The following DTNBP1 variants were observed in gnomAD, a reference collection of about 807,000 sequenced individuals.
DTNBP1 encodes dysbindin.
A neutral mutation model predicts 42.8 loss-of-function variants in DTNBP1; 35 were observed. That is an observed-to-expected ratio of 0.82 (90% CI 0.63 to 1.09). DTNBP1 has a LOEUF of 1.09. Ranked by LOEUF, DTNBP1 falls within the 50% of genes least tolerant of loss-of-function variation. The probability of loss-of-function intolerance (pLI) is 0.00; values close to 1 mark genes in which losing one functional copy is unlikely to be tolerated. For synonymous variants in DTNBP1, 171 were observed against 162.2 expected (o/e 1.05, Z -0.41); for missense variants, 457 against 424.2 (o/e 1.08, Z -0.68).
intron 7 of DTNBP1, among the ~76,000 whole-genome samples, chr6:15,535,736 G>A (rs1368098676): frequency 1.3e-5 from 2 of 152,194 alleles, no homozygotes; most frequent in East Asian, 1.9e-4. Flanking sequence ...ACTGGGTTAC[G>A]GGTAGAGGTT....
At chr6:15,627,260 T>C (rs1482951311) in intron 5 of DTNBP1, 83 bp downstream of exon 5, 4 of 1,563,460 alleles carry the variant, frequency 2.6e-6, no homozygotes, top group Middle Eastern at 2.0e-4. Context: ...CATGTGTTCC[T>C]GAAAAGCTCT....
chr6:15,594,083 C>T (rs567936028), intron 6 of DTNBP1, among the ~76,000 whole-genome samples: 6 of 152,296 alleles, frequency 3.9e-5, no homozygotes, highest in South Asian at 4.1e-4. Context: ...CATCCCACTC[C>T]GTTTTTTCCT....
At chr6:15,627,597 C>T in intron 4 of DTNBP1, 122 bp from the exon 5 acceptor site, 1 of 1,396,752 alleles carries the variant, frequency 7.2e-7, no homozygotes, top group Non-Finnish European at 9.6e-7. Flanking sequence ...GATTACGGTA[C>T]ATTCTAAAAG....
intron 7 of DTNBP1, among the ~76,000 whole-genome samples, chr6:15,574,160 G>A (rs1561967801): frequency 6.6e-6 from 1 of 152,150 alleles, no homozygotes; most frequent in African/African-American, 2.4e-5. Flanking sequence ...AACACAAAGA[G>A]TTACAAGGAG....
chr6:15,599,866 AT>A (rs931898386), intron 6 of DTNBP1, among the ~76,000 whole-genome samples: 2 of 152,072 alleles, frequency 1.3e-5, no homozygotes, highest in African/African-American at 2.4e-5. Flanking sequence ...TGTGTTACTG[AT>A]TTTTTTATTC....
At position 15,552,321 on chromosome 6, in the gene DTNBP1, G is replaced by A. The variant is rs140259598; in HGVS notation, c.512-18926C>T. 1.8e-4 allele frequency among the ~76,000 whole-genome samples: 28 copies of A among 152,300 alleles called. No individual in the cohort carries two copies. In the East Asian group the frequency reaches 5.0e-3, roughly 27 times the overall value. ...TCCCCCAAATTCATACTCACAAAAT[G>A]ATGCCATGAACCTTTCTTTGGGGTT... On this transcript the variant is annotated intron_variant, in intron 7 of 9. Coordinates refer to ENST00000344537, the MANE Select transcript of DTNBP1 (RefSeq NM_032122.5).
intron 7 of DTNBP1, among the ~76,000 whole-genome samples, chr6:15,564,037 G>A (rs1267441628): frequency 1.3e-5 from 2 of 148,184 alleles, no homozygotes; most frequent in African/African-American, 2.5e-5. Context: ...TCATGCCACC[G>A]TACTCCAGCC....
chr6:15,608,369 G>T (rs1758195815), intron 6 of DTNBP1, among the ~76,000 whole-genome samples: 1 of 152,072 alleles, frequency 6.6e-6, no homozygotes, highest in Non-Finnish European at 1.5e-5. Flanking sequence ...AAATAAAGGA[G>T]TCATAAAGCT....
At chr6:15,631,739 C>T (rs148793692) in intron 4 of DTNBP1, among the ~76,000 whole-genome samples, 1 of 152,238 alleles carries the variant, frequency 6.6e-6, no homozygotes, top group East Asian at 1.9e-4. Flanking sequence ...GATCCCCCTC[C>T]CCAGCCCCTG....
At chr6:15,596,801 T>G (rs1776532994) in intron 6 of DTNBP1, among the ~76,000 whole-genome samples, 1 of 152,140 alleles carries the variant, frequency 6.6e-6, no homozygotes, top group South Asian at 2.1e-4. Context: ...AAAAGTGGAG[T>G]AGGCTACTCA....
In DTNBP1 at chr6:15,533,528, A is replaced by G; in HGVS notation, c.512-133T>C. The G allele has an allele frequency of 2.1e-6, 3 of 1,434,030 alleles. No homozygotes were observed. The South Asian group carries it at 3.5e-5, about 17-fold the overall frequency. 88.8% of individuals were successfully genotyped at this position (1,434,030 alleles called of 1,614,324 possible). On this transcript the variant is annotated intron_variant, in intron 7 of 9. Transcript: ENST00000344537. The stretch of plus-strand genomic sequence containing the variant: ...GTTTACAGACTGGGCTGGTGCCCCG[A>G]CTGCGTGTACAGCTGGCCTCCTTGT...
intron 7 of DTNBP1, among the ~76,000 whole-genome samples, chr6:15,568,197 T>A (rs183838682): frequency 5.3e-5 from 8 of 152,300 alleles, no homozygotes; most frequent in Admixed American, 5.2e-4. Context: ...AATGTTCCTA[T>A]CCCTGAAGAA....
At position 15,651,548 on chromosome 6, in the gene DTNBP1, C is replaced by T. The variant is rs558357957; in HGVS notation, c.111-185G>A. 51 of 743,482 alleles carry T rather than the reference C, an allele frequency of 6.9e-5. No individual in the cohort carries two copies. In the East Asian group the frequency reaches 1.4e-3, roughly 20 times the overall value. 46.1% of individuals were successfully genotyped at this position (743,482 alleles called of 1,614,324 possible). On this transcript the variant is annotated intron_variant, in intron 2 of 9. Transcript: ENST00000344537. ...TAATGTACTGTATGTAACACACTAT[C>T]AACCATCATTTTGCCCCAGAGATTC...
intron 6 of DTNBP1, among the ~76,000 whole-genome samples, chr6:15,599,510 C>T (rs755421690): frequency 4.6e-5 from 7 of 152,156 alleles, no homozygotes; most frequent in Non-Finnish European, 1.0e-4. Flanking sequence ...AAGTAGATCA[C>T]TAAATCTACA....
At chr6:15,640,449 T>C (rs952423852) in intron 3 of DTNBP1, among the ~76,000 whole-genome samples, 1 of 152,250 alleles carries the variant, frequency 6.6e-6, no homozygotes, top group African/African-American at 2.4e-5. Context: ...TGTGTAATTC[T>C]TGCATTCAAA....
chr6:15,555,965 C>T (rs528199185), intron 7 of DTNBP1, among the ~76,000 whole-genome samples: 1 of 152,122 alleles, frequency 6.6e-6, no homozygotes, highest in East Asian at 1.9e-4. Context: ...TGGAGAAACC[C>T]CGACCCAAAA....
chr6:15,637,958 A>G (rs556445027), intron 3 of DTNBP1, among the ~76,000 whole-genome samples, 154 bp from the exon 4 acceptor site: 1 of 152,336 alleles, frequency 6.6e-6, no homozygotes, highest in Non-Finnish European at 1.5e-5. Context: ...AACTTGACAG[A>G]GCTTCCAGTG....
chr6:15,546,926 C>CT (rs10711026), intron 7 of DTNBP1, among the ~76,000 whole-genome samples: 142 of 116,134 alleles, frequency 1.2e-3, no homozygotes, highest in Non-Finnish European at 1.4e-3. Context: ...TTCTTTCTTT[C>CT]TTTTTTTTTT....
At chr6:15,533,214 C>A (rs775297230) in intron 8 of DTNBP1, 26 bp downstream of exon 8, 1 of 1,612,378 alleles carries the variant, frequency 6.2e-7, no homozygotes, top group South Asian at 1.1e-5. Flanking sequence ...TGAGTCCCCA[C>A]ACCAGCAGCC....
Sources: allele counts gnomAD v4.1 joint callset (sites outside exome capture counted in the v4.1 genomes callset), GRCh38; gene constraint gnomAD v4.1.1; transcripts MANE v1.5; gene names NCBI Gene and HGNC (gene_info 2026-07-23, HGNC 2026-07-21).